TMEM123: variants seen among roughly 807,000 people sequenced by gnomAD.
The protein encoded by TMEM123 is transmembrane protein 123, also known as porimin.
Under a neutral mutation model 19.7 loss-of-function variants are expected in TMEM123, and 16 were observed. The observed-to-expected ratio is 0.81, with a 90% CI of 0.55 to 1.23. TMEM123 has a LOEUF of 1.23. Among genes scored for constraint, TMEM123 ranks in the 50% most tolerant of loss-of-function variants. The pLI is 0.00. For missense variants in TMEM123, 313 were observed against 257.8 expected (o/e 1.21, Z -1.47); for synonymous variants, 118 against 99.4 (o/e 1.19, Z -1.12).
At chr11:102,447,036 CAA>C (rs757426161) in intron 2 of TMEM123, among the ~76,000 whole-genome samples, 5 of 152,122 alleles carry the variant, frequency 3.3e-5, no homozygotes, top group Non-Finnish European at 7.4e-5. Context: ...TAACATGTTT[CAA>C]AAGTGTTTTC....
intron 2 of TMEM123, among the ~76,000 whole-genome samples, chr11:102,446,073 G>T (rs933340131): frequency 1.4e-4 from 21 of 152,148 alleles, no homozygotes; most frequent in African/African-American, 4.3e-4. Context: ...TGTGATCAAG[G>T]AGACGGCTGT....
chr11:102,433,935 G>C (rs759862781), intron 2 of TMEM123, among the ~76,000 whole-genome samples: 17 of 151,912 alleles, frequency 1.1e-4, no homozygotes, highest in African/African-American at 3.4e-4. Context: ...TAGCCATGTG[G>C]AACTGTGACT....
chr11:102,413,388 T>G lies in TMEM123; in HGVS notation c.158-11182A>C, dbSNP rs372543682. On this transcript the variant is annotated intron_variant, in intron 2 of 4. Transcript: ENST00000398136. The stretch of plus-strand genomic sequence containing the variant: ...AAAGTGCATGCACCACTGGTGTACA[T>G]GTGCACGGACCCCACCACCCCATCA... Among the ~76,000 whole-genome samples, 250 of 152,296 alleles carry G rather than the reference T, an allele frequency of 1.6e-3. 7 individuals carry two copies. In the South Asian group the frequency reaches 0.049, roughly 30 times the overall value.
At chr11:102,425,467 T>C (rs1421949814) in intron 2 of TMEM123, among the ~76,000 whole-genome samples, 4 of 152,002 alleles carry the variant, frequency 2.6e-5, no homozygotes, top group African/African-American at 9.7e-5. Flanking sequence ...TGTCCTCCAA[T>C]GATACTGATA....
In TMEM123 at chr11:102,406,868, CAA is replaced by C. The variant is rs61413300; in HGVS notation, c.158-4664_158-4663del. Among the ~76,000 whole-genome samples the C allele has an allele frequency of 6.5e-3, 563 of 86,176 alleles. 4 individuals carry two copies. The highest frequency in any genetic ancestry group is 0.021 in the African/African-American group (482 of 22,560). 56.5% of individuals were successfully genotyped at this position (86,176 alleles called of 152,430 possible). On this transcript the variant is annotated intron_variant, in intron 2 of 4. Coordinates refer to ENST00000398136, the MANE Select transcript of TMEM123 (RefSeq NM_052932.3). Reference sequence around the variant, plus strand: ...CCTGGGCAACAGAGCGAGGCTCCGTCAAAAAAAAAAAAAAAAAAGATAGCTTC... The same window carrying C: ...CCTGGGCAACAGAGCGAGGCTCCGTCAAAAAAAAAAAAAAAAGATAGCTTC...
intron 2 of TMEM123, among the ~76,000 whole-genome samples, chr11:102,440,041 G>C (rs542777276): frequency 3.3e-5 from 5 of 152,176 alleles, no homozygotes; most frequent in Non-Finnish European, 7.3e-5. Flanking sequence ...AAGAAATATG[G>C]GACTATGTGA....
intron 2 of TMEM123, among the ~76,000 whole-genome samples, chr11:102,419,498 C>T (rs536800523): frequency 2.0e-5 from 3 of 152,324 alleles, no homozygotes; most frequent in Admixed American, 6.5e-5. Context: ...TCTCCTCCTT[C>T]ATCAGCTCTC....
At chr11:102,430,703 T>A (rs79645801) in intron 2 of TMEM123, among the ~76,000 whole-genome samples, 2 of 152,216 alleles carry the variant, frequency 1.3e-5, no homozygotes, top group Non-Finnish European at 2.9e-5. Context: ...CCTGGTTTTG[T>A]GCCAGGTGCT....
At chr11:102,425,583 CTTTT>C (rs1167174586) in intron 2 of TMEM123, among the ~76,000 whole-genome samples, 1 of 107,926 alleles carries the variant, frequency 9.3e-6, no homozygotes, top group Non-Finnish European at 1.9e-5. Flanking sequence ...TTTCTTTTTT[CTTTT>C]TTTTTTTTTT....
Position 102,398,513 on chromosome 11 carries a change from T to C in TMEM123, c.*354A>G. On this transcript the variant is annotated 3_prime_UTR_variant, in exon 5 of 5. Coordinates refer to ENST00000398136, the MANE Select transcript of TMEM123 (RefSeq NM_052932.3). The stretch of plus-strand genomic sequence containing the variant: ...CTGAGTGCTGTGACAAACTTCTTAT[T>C]TGTATGCCCAGATGGCATTCTGTCT... The C allele has an allele frequency of 2.4e-6, 1 of 418,716 alleles. No homozygotes were observed. Among genetic ancestry groups the C allele is most frequent in the Non-Finnish European group, 4.2e-6 (1 of 239,758 alleles). The allele number at this position is 418,716 out of a possible 1,614,324, so 25.9% of individuals were successfully genotyped here. A position where few individuals can be genotyped will look rare whatever the true frequency, so the allele number is the denominator to read the frequency against.
intron 2 of TMEM123, among the ~76,000 whole-genome samples, chr11:102,443,324 G>T (rs1857846727): frequency 6.6e-6 from 1 of 152,150 alleles, no homozygotes; most frequent in Non-Finnish European, 1.5e-5. Flanking sequence ...AACCAAAACA[G>T]CATTGTACTG....
chr11:102,437,291 A>G (rs542945341), intron 2 of TMEM123, among the ~76,000 whole-genome samples: 2 of 151,968 alleles, frequency 1.3e-5, no homozygotes, highest in South Asian at 4.2e-4. Flanking sequence ...CCATCTCTTT[A>G]ACCCTTAAAA....
intron 2 of TMEM123, among the ~76,000 whole-genome samples, chr11:102,422,952 C>T (rs1262624097): frequency 6.6e-6 from 1 of 152,184 alleles, no homozygotes; most frequent in Non-Finnish European, 1.5e-5. Flanking sequence ...TGTTAGTACA[C>T]ATTGAGGTTT....
At chr11:102,446,696 C>T (rs552008374) in intron 2 of TMEM123, among the ~76,000 whole-genome samples, 2 of 152,340 alleles carry the variant, frequency 1.3e-5, no homozygotes, top group African/African-American at 4.8e-5. Context: ...TCTCAAGGAA[C>T]TTGGAGACCA....
At chr11:102,406,933 T>C (rs1951961384) in intron 2 of TMEM123, among the ~76,000 whole-genome samples, 2 of 145,186 alleles carry the variant, frequency 1.4e-5, no homozygotes, top group Admixed American at 1.4e-4. Flanking sequence ...AGGTCACCAG[T>C]AGGGGGTGGA....
chr11:102,407,514 A>AC (rs1951966217), intron 2 of TMEM123, among the ~76,000 whole-genome samples: 1 of 152,226 alleles, frequency 6.6e-6, no homozygotes, highest in Admixed American at 6.5e-5. Flanking sequence ...AACTCACAGT[A>AC]CTTCAGAATG....
Position 102,398,590 on chromosome 11 carries a change from C to T in TMEM123, c.*277G>A. The T allele has an allele frequency of 2.0e-6, 1 of 507,214 alleles. No individual in the cohort carries two copies. Among genetic ancestry groups the T allele is most frequent in the Non-Finnish European group, 3.4e-6 (1 of 295,274 alleles). 31.4% of individuals were successfully genotyped at this position (507,214 alleles called of 1,614,324 possible). On this transcript the variant is annotated 3_prime_UTR_variant, in exon 5 of 5. Coordinates refer to ENST00000398136, the MANE Select transcript of TMEM123 (RefSeq NM_052932.3). ...GGTCATATGTGACCAATGCCCCCACCCCAGCCAAAAAAAAAAAGATAGGAC... is the reference window on the plus strand; with the variant it reads ...GGTCATATGTGACCAATGCCCCCACTCCAGCCAAAAAAAAAAAGATAGGAC...
At chr11:102,399,394 G>A (rs777762190) in intron 4 of TMEM123, among the ~76,000 whole-genome samples, 1 of 152,300 alleles carries the variant, frequency 6.6e-6, no homozygotes, top group African/African-American at 2.4e-5. Flanking sequence ...GCAGTGACCC[G>A]TGATCGCACC....
chr11:102,412,432 A>G (rs1952013223), intron 2 of TMEM123, among the ~76,000 whole-genome samples: 1 of 152,210 alleles, frequency 6.6e-6, no homozygotes, highest in Admixed American at 6.5e-5. Flanking sequence ...CATTTCAAAA[A>G]CAAAAGCAAA....
Sources: gnomAD v4.1 joint callset for allele counts (sites outside exome capture counted in the v4.1 genomes callset) on GRCh38, gnomAD v4.1.1 for gene constraint, MANE v1.5 for transcripts, NCBI Gene and HGNC (gene_info 2026-07-23, HGNC 2026-07-21) for gene names.